Variants in CNKSR2 observed in about 807,000 individuals in gnomAD.
CNKSR2 encodes the protein connector enhancer of kinase suppressor of Ras 2, also known as CNK homolog protein 2.
CNKSR2 carries 14 observed loss-of-function variants against 84.4 expected under a neutral mutation model. The observed-to-expected ratio is 0.17, with a 90% confidence interval of 0.11 to 0.26. The LOEUF is 0.26. CNKSR2 is among the 10% of genes least tolerant of loss of function. The pLI, the probability that CNKSR2 is intolerant of heterozygous loss-of-function variation, is 1.00. For synonymous variants in CNKSR2, 275 were observed against 277.9 expected (o/e 0.99, Z 0.10); for missense variants, 485 against 771.2 (o/e 0.63, Z 4.40).
intron 5 of CNKSR2, among the ~76,000 whole-genome samples, chrX:21,472,771 G>A (rs1012965050): frequency 3.6e-5 from 4 of 111,123 alleles, no homozygotes; most frequent in Non-Finnish European, 7.6e-5. Flanking sequence ...TCTACCATAT[G>A]ACAGAATAAC....
At chrX:21,450,673 T>C (rs754209578) in intron 4 of CNKSR2, among the ~76,000 whole-genome samples, 24 of 111,876 alleles carry the variant, frequency 2.1e-4, no homozygotes, top group Admixed American at 2.9e-4. Context: ...TATTTGAGTT[T>C]ATTACAAGGG....
chrX:21,606,571 T>C (rs1162336452), intron 18 of CNKSR2: 6 of 314,249 alleles, frequency 1.9e-5, no homozygotes, highest in Non-Finnish European at 2.7e-5. Flanking sequence ...TTTAAAAGGA[T>C]GTTAGAATTA....
chrX:21,641,757 A>T (rs2147337937), intron 20 of CNKSR2: 1 of 1,033,869 alleles, frequency 9.7e-7, no homozygotes, highest in East Asian at 3.6e-5. Context: ...AGCTTAGATC[A>T]TCAAGTGTTT....
At chrX:21,420,380 C>A (rs983477014) in intron 1 of CNKSR2, among the ~76,000 whole-genome samples, 5 of 112,496 alleles carry the variant, frequency 4.4e-5, no homozygotes, top group Admixed American at 9.4e-5. Flanking sequence ...CAAGAACCTG[C>A]TTTGTTCTCT....
chrX:21,561,269 A>G (rs1050516578), intron 11 of CNKSR2, among the ~76,000 whole-genome samples: 2 of 110,643 alleles, frequency 1.8e-5, no homozygotes, highest in African/African-American at 6.5e-5. Context: ...TATAAAAAGT[A>G]CCTTAAGTTT....
At chrX:21,565,904 T>C (rs2092233592) in intron 13 of CNKSR2, among the ~76,000 whole-genome samples, 1 of 111,333 alleles carries the variant, frequency 9.0e-6, no homozygotes, top group Non-Finnish European at 1.9e-5. Flanking sequence ...ACAGCAACCC[T>C]ATTTGCAAAT....
intron 4 of CNKSR2, among the ~76,000 whole-genome samples, chrX:21,453,453 T>C (rs1009376712): frequency 9.0e-6 from 1 of 111,660 alleles, no homozygotes; most frequent in Non-Finnish European, 1.9e-5. Flanking sequence ...TTGAAACTCC[T>C]TGATGGCTTG....
chrX:21,487,748 G>A (rs994242181), intron 5 of CNKSR2, among the ~76,000 whole-genome samples: 2 of 112,455 alleles, frequency 1.8e-5, no homozygotes, highest in African/African-American at 6.5e-5. Context: ...TATATGTTAA[G>A]TACTGCCATT....
At chrX:21,546,621 A>G (rs2092028440) in intron 11 of CNKSR2, among the ~76,000 whole-genome samples, 1 of 111,036 alleles carries the variant, frequency 9.0e-6, no homozygotes, top group Non-Finnish European at 1.9e-5. Context: ...CAGGACACAT[A>G]ATCATCAGAT....
At chrX:21,565,586 A>C (rs1029323048) in intron 13 of CNKSR2, among the ~76,000 whole-genome samples, 1 of 111,526 alleles carries the variant, frequency 9.0e-6, no homozygotes, top group African/African-American at 3.3e-5. Flanking sequence ...TTTTTGACAG[A>C]GGACCAGCAC....
intron 9 of CNKSR2, among the ~76,000 whole-genome samples, chrX:21,524,420 A>G (rs1168167251): frequency 9.0e-6 from 1 of 111,262 alleles, no homozygotes; most frequent in Non-Finnish European, 1.9e-5. Flanking sequence ...AATTTAACTA[A>G]TAACATTAAC....
intron 13 of CNKSR2, among the ~76,000 whole-genome samples, chrX:21,579,926 A>T (rs1421310977): frequency 8.9e-6 from 1 of 111,875 alleles, no homozygotes; most frequent in African/African-American, 3.2e-5. Flanking sequence ...TTATACTGAG[A>T]TTGCGTAAGT....
chrX:21,631,918 A>T (rs1033286818), intron 20 of CNKSR2, among the ~76,000 whole-genome samples: 4 of 112,147 alleles, frequency 3.6e-5, no homozygotes, highest in African/African-American at 1.3e-4. Context: ...CAAATTGAAG[A>T]GTAAAAGTTT....
intron 11 of CNKSR2, among the ~76,000 whole-genome samples, chrX:21,535,798 C>T (rs1400902348): frequency 9.0e-6 from 1 of 110,984 alleles, no homozygotes; most frequent in Non-Finnish European, 1.9e-5. Context: ...TATATAAGAA[C>T]ATATTGTCTG....
chrX:21,516,076 G>A (rs1320852356), intron 8 of CNKSR2, among the ~76,000 whole-genome samples: 3 of 111,661 alleles, frequency 2.7e-5, no homozygotes, highest in Non-Finnish European at 3.8e-5. Context: ...GAGAAAGCAT[G>A]TGGTGTAGTT....
At chrX:21,502,835 C>T (rs1348578178) in intron 8 of CNKSR2, among the ~76,000 whole-genome samples, 1 of 111,478 alleles carries the variant, frequency 9.0e-6, no homozygotes, top group African/African-American at 3.2e-5. Context: ...GTTTTGATGG[C>T]TTTCTTTTCT....
chrX:21,526,460 G>C (rs981109317), intron 9 of CNKSR2, among the ~76,000 whole-genome samples: 3 of 111,271 alleles, frequency 2.7e-5, no homozygotes, highest in African/African-American at 9.8e-5. Context: ...ATCAGGATGT[G>C]AGTGAGCTAA....
chrX:21,596,333 C>G (rs973961638), intron 17 of CNKSR2, among the ~76,000 whole-genome samples: 1 of 111,732 alleles, frequency 8.9e-6, no homozygotes, highest in Non-Finnish European at 1.9e-5. Flanking sequence ...AACTGAACCT[C>G]TCTATGCTGA....
chrX:21,643,358 CACT>C (rs1191796980), intron 20 of CNKSR2: 6 of 111,702 alleles, frequency 5.4e-5, no homozygotes, highest in Non-Finnish European at 1.1e-4. Context: ...AAAATTCAAC[CACT>C]GTCATGTATT....
Sources: allele counts gnomAD v4.1 joint callset (sites outside exome capture counted in the v4.1 genomes callset), GRCh38; gene constraint gnomAD v4.1.1; transcripts MANE v1.5; gene names NCBI Gene and HGNC (gene_info 2026-07-23, HGNC 2026-07-21).